Variants in KNG1 observed in about 807,000 individuals in gnomAD.
KNG1 encodes the protein kininogen 1, also known as kininogen-1.
In KNG1, 23 loss-of-function variants were observed where a neutral mutation model predicts 47.8. The ratio of observed to expected loss-of-function variants is 0.48; its 90% CI spans 0.35 to 0.68. The LOEUF is 0.68. Ranked by LOEUF, KNG1 falls within the 30% of genes least tolerant of loss-of-function variation. The pLI is 0.01. For missense variants in KNG1, 762 were observed against 790.2 expected, an observed-to-expected ratio of 0.96 and a Z score of 0.43; for synonymous variants, 277 against 277.0, an observed-to-expected ratio of 1.00 and a Z score of 0.00.
At chr3:186,729,033 T>C (rs1469538350) in intron 5 of KNG1, 1 of 152,048 alleles carries the variant, frequency 6.6e-6, no homozygotes, top group Non-Finnish European at 1.5e-5. Flanking sequence ...TATTTTATAA[T>C]TGGAGAAAAA....
intron 2 of KNG1, 47 bp downstream of exon 2, chr3:186,720,262 C>G (rs1157432468): frequency 7.9e-7 from 1 of 1,261,438 alleles, no homozygotes; most frequent in Non-Finnish European, 1.2e-6. Context: ...TCCGTTGACC[C>G]TGCCAGATTT....
At chr3:186,731,089 G>A (rs896865968) in intron 5 of KNG1, among the ~76,000 whole-genome samples, 4 of 151,902 alleles carry the variant, frequency 2.6e-5, no homozygotes, top group Non-Finnish European at 2.9e-5. Flanking sequence ...TTTTGTTCTC[G>A]TGAATTTTAC....
chr3:186,721,807 G>A, intron 2 of KNG1: 1 of 154,364 alleles, frequency 6.5e-6, no homozygotes, highest in Non-Finnish European at 1.4e-5. Flanking sequence ...CGTCCATCTT[G>A]GTTAGAAAGA....
intron 7 of KNG1, 180 bp from the exon 8 acceptor site, chr3:186,738,919 G>A (rs1009348938): frequency 4.9e-5 from 29 of 596,722 alleles, no homozygotes; most frequent in South Asian, 2.6e-4. Flanking sequence ...GGGACCAACC[G>A]ATAGCCAAAT....
intron 1 of KNG1, among the ~76,000 whole-genome samples, chr3:186,719,804 A>G (rs957939215): frequency 3.3e-5 from 5 of 152,192 alleles, no homozygotes; most frequent in Non-Finnish European, 7.3e-5. Flanking sequence ...ACAGACAAAC[A>G]TTTTAACAGC....
At position 186,743,624 on chromosome 3, in the gene KNG1, T is replaced by A; in HGVS notation, c.*1293T>A. 1 of 1,015,060 alleles carries A rather than the reference T, an allele frequency of 9.9e-7. No homozygotes were observed. The highest frequency in any genetic ancestry group is 1.3e-5 in the South Asian group (1 of 75,224). 62.9% of individuals were successfully genotyped at this position (1,015,060 alleles called of 1,614,324 possible). ...AACCACAGATGTCAGGAAAAAGTCT[T>A]ACCTTGTCAACTGGTTGCTCCACTT... On this transcript the variant is annotated 3_prime_UTR_variant, in exon 10 of 10. Transcript: ENST00000644859.
chr3:186,720,528 G>C, intron 2 of KNG1: 1 of 361,758 alleles, frequency 2.8e-6, no homozygotes. Context: ...AGCTGGCGAG[G>C]GGAGGGGGTG....
intron 5 of KNG1, chr3:186,728,225 A>G (rs1720425072): frequency 1.3e-5 from 2 of 152,192 alleles, no homozygotes; most frequent in Admixed American, 6.6e-5. Flanking sequence ...CGAAGACATG[A>G]TATGTGCCCA....
At position 186,741,637 on chromosome 3, in the gene KNG1, A is replaced by T. The variant is rs770600158; in HGVS notation, c.1241A>T (p.Asp414Val). 6.2e-7 allele frequency: 1 copy of T among 1,614,154 alleles called. No individual in the cohort carries two copies. The highest frequency in any genetic ancestry group is 1.1e-5 in the South Asian group (1 of 91,056). ...PPHTSMAPAQ[D>V]EERDSGKEQG... ...CACACTTCCATGGCACCTGCACAAGATGAAGAGCGGGATTCAGGAAAAGAA... is the reference window on the plus strand; with the variant it reads ...CACACTTCCATGGCACCTGCACAAGTTGAAGAGCGGGATTCAGGAAAAGAA... Residue 414 changes from aspartate to valine, a missense_variant, in exon 10 of 10, where the codon GAT becomes GTT. Asp to Val is a radical substitution (Grantham distance 152, BLOSUM62 -3). Transcript: ENST00000644859.
intron 7 of KNG1, among the ~76,000 whole-genome samples, chr3:186,734,198 G>C (rs907603662): frequency 6.6e-6 from 1 of 152,116 alleles, no homozygotes; most frequent in Admixed American, 6.5e-5. Flanking sequence ...GAATTTCTAG[G>C]AATCTAAAGT....
rs757907645 is a variant in KNG1, at chr3:186,741,788, A to T, written c.1392A>T (p.Gly464=). ...GHQRGHGLGH[G]HEQQHGLGHG... ...AAAGAGGACATGGCCTTGGCCATGG[A>T]CACGAACAACAGCATGGTCTTGGTC... Residue 464 remains glycine (G), a synonymous_variant, in exon 10 of 10, where the codon GGA becomes GGT. Transcript: ENST00000644859. 3.1e-6 allele frequency: 5 copies of T among 1,613,888 alleles called. No homozygotes were observed. The African/African-American group carries it at 4.0e-5, about 13-fold the overall frequency.
chr3:186,741,633 C>T lies in KNG1; in HGVS notation c.1237C>T (p.Gln413Ter). Residue 413 changes from glutamine to a stop codon, truncating the protein, a stop_gained, in exon 10 of 10, where the codon CAA (glutamine) becomes TAA (stop). Coordinates refer to ENST00000644859, the MANE Select transcript of KNG1 (RefSeq NM_001102416.3). LOFTEE classifies it low-confidence loss of function (END_TRUNC). ...SPPHTSMAPA[Q>*]DEERDSGKEQ... is the part of the protein sequence containing the mutation. ...ACCCCACACTTCCATGGCACCTGCA[C>T]AAGATGAAGAGCGGGATTCAGGAAA... The T allele has an allele frequency of 6.2e-7, 1 of 1,614,020 alleles. No homozygotes were observed. Among genetic ancestry groups the T allele is most frequent in the Non-Finnish European group, 8.5e-7 (1 of 1,179,970 alleles).
chr3:186,717,833 C>CCCACCA (rs201806239), intron 1 of KNG1, 96 bp downstream of exon 1: 1 of 717,078 alleles, frequency 1.4e-6, no homozygotes, highest in Non-Finnish European at 2.3e-6. Flanking sequence ...ACCACCAGCA[C>CCCACCA]CCACCACCAC....
rs866524745 is a variant in KNG1, at chr3:186,744,238, T to C, written c.*1907T>C. 9 of 178,962 alleles carry C rather than the reference T, an allele frequency of 5.0e-5. No individual in the cohort carries two copies. Among genetic ancestry groups the C allele is most frequent in the Middle Eastern group, 2.6e-3 (1 of 382 alleles). 11.1% of individuals were successfully genotyped at this position (178,962 alleles called of 1,614,324 possible). On this transcript the variant is annotated 3_prime_UTR_variant, in exon 10 of 10. Transcript: ENST00000644859. ...AGTAATTTGGCTTGTTTAGTATTGTTTTCTTATGGTCCAGTTAATTACCAA... is the reference window on the plus strand; with the variant it reads ...AGTAATTTGGCTTGTTTAGTATTGTCTTCTTATGGTCCAGTTAATTACCAA...
rs1393003804 is a variant in KNG1, at chr3:186,744,291, T to C, written c.*1960T>C. Reference sequence around the variant, plus strand: ...ATATTTTTAAAATCATCTCTGTTAATAGAATGTCTACCAACTTCTCACTAT... The same window carrying C: ...ATATTTTTAAAATCATCTCTGTTAACAGAATGTCTACCAACTTCTCACTAT... On this transcript the variant is annotated 3_prime_UTR_variant, in exon 10 of 10. Coordinates refer to ENST00000644859, the MANE Select transcript of KNG1 (RefSeq NM_001102416.3). 1 of 157,160 alleles carries C rather than the reference T, an allele frequency of 6.4e-6. No individual in the cohort carries two copies. Among genetic ancestry groups the C allele is most frequent in the Non-Finnish European group, 1.4e-5 (1 of 70,754 alleles). 9.7% of individuals were successfully genotyped at this position (157,160 alleles called of 1,614,324 possible).
Position 186,720,197 on chromosome 3 carries a change from C to T in KNG1, c.288C>T (p.Tyr96=). 3 of 1,610,502 alleles carry T rather than the reference C, an allele frequency of 1.9e-6. No individual in the cohort carries two copies. Among genetic ancestry groups the T allele is most frequent in the Non-Finnish European group, 2.5e-6 (3 of 1,176,770 alleles). ...GCAAAACCTGGCAGGACTGTGAGTA[C>T]AAGGATGCTGCAAAAGCAGTAAGTG... is the stretch of plus-strand genomic sequence containing the variant. ...QSGKTWQDCE[Y]KDAAKAATGE... Residue 96 remains tyrosine (Y), a synonymous_variant, in exon 2 of 10, where the codon TAC becomes TAT. Coordinates refer to ENST00000644859, the MANE Select transcript of KNG1 (RefSeq NM_001102416.3).
chr3:186,725,266 T>A lies in KNG1; in HGVS notation c.564+6T>A. 6.2e-7 allele frequency: 1 copy of A among 1,612,760 alleles called. No individual in the cohort carries two copies. On this transcript the variant is annotated splice_donor_region_variant and intron_variant, in intron 4 of 9. Coordinates refer to ENST00000644859, the MANE Select transcript of KNG1 (RefSeq NM_001102416.3). The stretch of plus-strand genomic sequence containing the variant: ...TAAAACGGGCCCAAAGACAGGTTTG[T>A]TCTTTAATTCTCTAAGTAGCACAGT...
At chr3:186,734,436 T>C (rs1454753561) in intron 7 of KNG1, among the ~76,000 whole-genome samples, 1 of 152,088 alleles carries the variant, frequency 6.6e-6, no homozygotes, top group Non-Finnish European at 1.5e-5. Flanking sequence ...TGAATATACA[T>C]GATGTTATCA....
intron 1 of KNG1, chr3:186,718,655 A>G (rs1720098349): frequency 6.6e-6 from 1 of 151,992 alleles, no homozygotes; most frequent in East Asian, 2.0e-4. Flanking sequence ...GTTAGACTGC[A>G]GCAAAAGAAT....
Sources: gnomAD v4.1 joint callset for allele counts (sites outside exome capture counted in the v4.1 genomes callset) on GRCh38, gnomAD v4.1.1 for gene constraint, MANE v1.5 for transcripts, NCBI Gene and HGNC (gene_info 2026-07-23, HGNC 2026-07-21) for gene names.